Variants in ANKRD42 observed in about 807,000 individuals in gnomAD.
The protein encoded by ANKRD42 is ankyrin repeat domain-containing protein 42.
A neutral mutation model predicts 51.5 loss-of-function variants in ANKRD42; 43 were observed. The ratio of observed to expected loss-of-function variants is 0.83; its 90% CI spans 0.65 to 1.08. The LOEUF (loss-of-function observed/expected upper bound fraction) is 1.08. Among genes scored for constraint, ANKRD42 ranks in the 50% least tolerant of loss-of-function variants. The pLI is 0.00. For missense variants in ANKRD42, 608 were observed against 629.3 expected, an observed-to-expected ratio of 0.97 and a Z score of 0.36; for synonymous variants, 203 against 213.0, an observed-to-expected ratio of 0.95 and a Z score of 0.41.
At chr11:83,252,787 T>TC (rs1039196718), downstream of ANKRD42, among the ~76,000 whole-genome samples, 18 of 151,984 alleles carry the variant, frequency 1.2e-4, no homozygotes, top group African/African-American at 3.9e-4. Flanking sequence ...TTCTTTGTGC[T>TC]CTTTGGTATA....
intron 6 of ANKRD42, among the ~76,000 whole-genome samples, chr11:83,225,475 G>C (rs1366828131): frequency 6.6e-6 from 1 of 151,800 alleles, no homozygotes; most frequent in Non-Finnish European, 1.5e-5. Context: ...CGAGGTGGGA[G>C]GATGGATTGA....
chr11:83,238,711 T>C (rs12288736), intron 8 of ANKRD42, among the ~76,000 whole-genome samples: 6,040 of 151,980 alleles, frequency 0.04, 403 homozygotes, highest in African/African-American at 0.14. Flanking sequence ...TTGCCTGTAA[T>C]CCCAGCTACT....
chr11:83,205,364 A>T (rs1862031119), intron 2 of ANKRD42, among the ~76,000 whole-genome samples: 1 of 152,214 alleles, frequency 6.6e-6, no homozygotes, highest in African/African-American at 2.4e-5. Flanking sequence ...TTTACTTGAT[A>T]AGCCTTTTAA....
downstream of ANKRD42, chr11:83,259,677 G>C (rs1863845175): frequency 6.6e-6 from 1 of 152,070 alleles, no homozygotes; most frequent in Non-Finnish European, 1.5e-5. Flanking sequence ...TTAGGAGACA[G>C]GGTCTCATGT....
chr11:83,247,219 C>T (rs900211170), intron 10 of ANKRD42, among the ~76,000 whole-genome samples: 1 of 151,698 alleles, frequency 6.6e-6, no homozygotes, highest in Non-Finnish European at 1.5e-5. Context: ...AAAATTATTT[C>T]CTACTAATGA....
At chr11:83,203,974 G>C (rs1590964588) in intron 2 of ANKRD42, among the ~76,000 whole-genome samples, 1 of 151,902 alleles carries the variant, frequency 6.6e-6, no homozygotes, top group Non-Finnish European at 1.5e-5. Context: ...ACAGAGTCTG[G>C]TTCTGTTGTC....
At chr11:83,196,504 T>C (rs993841788) in intron 1 of ANKRD42, among the ~76,000 whole-genome samples, 1 of 152,126 alleles carries the variant, frequency 6.6e-6, no homozygotes, top group Non-Finnish European at 1.5e-5. Context: ...GGCAAACTCC[T>C]GTTAATCCTT....
rs1862880324 is a variant in ANKRD42 at position 83,226,224 on chromosome 11, CACATACACACACACAT to C, written c.787+1173_787+1188del. On this transcript the variant is annotated intron_variant, in intron 6 of 10. Transcript: ENST00000533342. ...ATATGTACACATACACACACACACACACATACACACACACATACACACACACAACTGGAAGTACCTA... is the reference window on the plus strand; with the variant it reads ...ATATGTACACATACACACACACACACACACACACACAACTGGAAGTACCTA... 3.3e-5 allele frequency among the ~76,000 whole-genome samples: 5 copies of C among 151,912 alleles called. No homozygotes were observed. The South Asian group carries it at 1.0e-3, about 32-fold the overall frequency.
intron 1 of ANKRD42, among the ~76,000 whole-genome samples, chr11:83,197,081 G>T (rs571801999): frequency 2.6e-5 from 4 of 151,740 alleles, no homozygotes; most frequent in South Asian, 2.1e-4. Context: ...TTTATTAAAG[G>T]TGTGTGTGTG....
intron 2 of ANKRD42, among the ~76,000 whole-genome samples, chr11:83,199,761 C>T (rs529053575): frequency 3.3e-4 from 50 of 152,314 alleles, no homozygotes; most frequent in African/African-American, 1.1e-3. Context: ...ACATGACTTC[C>T]TTCTGTGAGT....
At chr11:83,213,297 A>G in intron 5 of ANKRD42, 1 of 1,591,990 alleles carries the variant, frequency 6.3e-7, no homozygotes, top group East Asian at 2.2e-5. Context: ...TACTGTGCTG[A>G]GATGTTTCCT....
chr11:83,228,953 G>GT (rs11365016), intron 7 of ANKRD42, among the ~76,000 whole-genome samples: 30 of 148,380 alleles, frequency 2.0e-4, no homozygotes, highest in East Asian at 6.0e-4. Context: ...GTTTTTTTTT[G>GT]TTTTTTTTTT....
intron 4 of ANKRD42, among the ~76,000 whole-genome samples, chr11:83,210,805 A>AT: frequency 6.6e-6 from 1 of 152,200 alleles, no homozygotes; most frequent in East Asian, 1.9e-4. Flanking sequence ...AAAGTGATTT[A>AT]TTTCTTCAGA....
downstream of ANKRD42, among the ~76,000 whole-genome samples, chr11:83,253,511 GTTCT>G (rs201655395): frequency 0.015 from 2,302 of 152,254 alleles, 61 homozygotes; most frequent in African/African-American, 0.052. Context: ...CGACAAACCT[GTTCT>G]TTCAGGGCAA....
downstream of ANKRD42, among the ~76,000 whole-genome samples, chr11:83,252,578 A>G (rs950990669): frequency 2.6e-5 from 4 of 152,224 alleles, no homozygotes; most frequent in Non-Finnish European, 4.4e-5. Context: ...TATGCTGACT[A>G]AAAGGAAACA....
chr11:83,249,916 C>G (rs954117159), downstream of ANKRD42, among the ~76,000 whole-genome samples: 1 of 151,978 alleles, frequency 6.6e-6, no homozygotes, highest in Non-Finnish European at 1.5e-5. Context: ...TGTAGAAATC[C>G]TGAATTTGGT....
At chr11:83,262,212 C>T (rs1863969104), downstream of ANKRD42, among the ~76,000 whole-genome samples, 3 of 152,018 alleles carry the variant, frequency 2.0e-5, no homozygotes, top group African/African-American at 7.2e-5. Context: ...AACCTATAAC[C>T]TGTATTTAAA....
intron 6 of ANKRD42, among the ~76,000 whole-genome samples, chr11:83,225,525 T>C (rs1041256028): frequency 4.0e-5 from 6 of 149,788 alleles, no homozygotes; most frequent in African/African-American, 1.2e-4. Flanking sequence ...TGATTGTACC[T>C]CTGCACTCCA....
chr11:83,218,116 C>T (rs1862597654), intron 5 of ANKRD42, among the ~76,000 whole-genome samples: 1 of 152,196 alleles, frequency 6.6e-6, no homozygotes, highest in Admixed American at 6.5e-5. Flanking sequence ...GGTGTGCTTT[C>T]TTAGGGCCTC....
Sources: allele counts gnomAD v4.1 joint callset (sites outside exome capture counted in the v4.1 genomes callset), GRCh38; gene constraint gnomAD v4.1.1; transcripts MANE v1.5; gene names NCBI Gene and HGNC (gene_info 2026-07-23, HGNC 2026-07-21).